Variants in CASP10 observed in about 807,000 individuals in gnomAD.
CASP10 encodes the protein caspase-10.
A neutral mutation model predicts 48.5 loss-of-function variants in CASP10; 41 were observed. That is an observed-to-expected ratio of 0.85 (90% CI 0.66 to 1.10). The LOEUF (loss-of-function observed/expected upper bound fraction) is 1.10. Among genes scored for constraint, CASP10 ranks in the 50% least tolerant of loss-of-function variants. CASP10 has a pLI of 0.00. For missense variants in CASP10, 614 were observed against 614.5 expected, an observed-to-expected ratio of 1.00 and a Z score of 0.01; for synonymous variants, 232 against 238.4, an observed-to-expected ratio of 0.97 and a Z score of 0.25.
At chr2:201,207,782 G>A (rs1172002144) in intron 7 of CASP10, among the ~76,000 whole-genome samples, 1 of 151,546 alleles carries the variant, frequency 6.6e-6, no homozygotes. Flanking sequence ...TTATCTGGGG[G>A]TGTTGGTGGG....
intron 9 of CASP10, among the ~76,000 whole-genome samples, chr2:201,215,211 G>GTTTTTTTTT (rs10616229): frequency 3.7e-4 from 11 of 29,910 alleles, no homozygotes; most frequent in African/African-American, 1.0e-3. Context: ...TCTTCCCTCG[G>GTTTTTTTTT]TTTTTTTTTT....
chr2:201,212,544 T>A (rs1057423073), intron 9 of CASP10: 1 of 152,298 alleles, frequency 6.6e-6, no homozygotes. Context: ...ATAGCTAAAA[T>A]AAAGCCAATG....
At chr2:201,215,863 A>T (rs1945553674) in intron 9 of CASP10, among the ~76,000 whole-genome samples, 1 of 151,706 alleles carries the variant, frequency 6.6e-6, no homozygotes, top group Non-Finnish European at 1.5e-5. Context: ...TCCAGGCTAG[A>T]CTTGAACTCC....
intron 5 of CASP10, among the ~76,000 whole-genome samples, chr2:201,202,194 G>A (rs1466727789): frequency 1.3e-5 from 2 of 152,116 alleles, no homozygotes; most frequent in Admixed American, 1.3e-4. Context: ...CTTAAGGAGA[G>A]GCATGTCTCT....
Position 201,219,344 on chromosome 2 carries a change from C to A in CASP10, c.*1603C>A. On this transcript the variant is annotated 3_prime_UTR_variant, in exon 10 of 10. Transcript: ENST00000286186. ...AACACCCAATTCAAATTGACTGAAG[C>A]AAAGAAGGGAATTTATTGCCTCTTT... The A allele has an allele frequency of 3.0e-6, 2 of 657,020 alleles. No individual in the cohort carries two copies. The highest frequency in any genetic ancestry group is 3.8e-6 in the Non-Finnish European group (2 of 530,362). The allele number at this position is 657,020 out of a possible 1,614,324, so 40.7% of individuals were successfully genotyped here. A position where few individuals can be genotyped will look rare whatever the true frequency, so the allele number is the denominator to read the frequency against.
chr2:201,225,747 G>A (rs1006577544), downstream of CASP10, among the ~76,000 whole-genome samples: 19 of 152,176 alleles, frequency 1.2e-4, no homozygotes, highest in African/African-American at 4.3e-4. Flanking sequence ...CGAGGCAGGC[G>A]GATCACCTGA....
chr2:201,184,336 G>A (rs548433134), intron 1 of CASP10, among the ~76,000 whole-genome samples: 1 of 151,756 alleles, frequency 6.6e-6, no homozygotes, highest in African/African-American at 2.4e-5. Context: ...GTTTTGTTTT[G>A]TTTTTGAGGC....
At chr2:201,198,890 T>C (rs1293556851) in intron 5 of CASP10, among the ~76,000 whole-genome samples, 1 of 152,210 alleles carries the variant, frequency 6.6e-6, no homozygotes, top group Non-Finnish European at 1.5e-5. Flanking sequence ...ATTGTCATGG[T>C]CTGATATTTT....
At position 201,218,113 on chromosome 2, in the gene CASP10, G is replaced by A; in HGVS notation, c.*372G>A. 1.3e-6 allele frequency: 1 copy of A among 754,862 alleles called. No individual in the cohort carries two copies. The highest frequency in any genetic ancestry group is 1.7e-6 in the Non-Finnish European group (1 of 575,254). 46.8% of individuals were successfully genotyped at this position (754,862 alleles called of 1,614,324 possible). ...TCTTTATTTTTTGTAGAGATGGAGG[G>A]ATCTCACTTTGTTGCACAGGCTGGT... On this transcript the variant is annotated 3_prime_UTR_variant, in exon 10 of 10. Transcript: ENST00000286186.
At chr2:201,185,628 G>A (rs1192153043) in intron 1 of CASP10, 143 bp from the exon 2 acceptor site, 10 of 663,636 alleles carry the variant, frequency 1.5e-5, no homozygotes, top group South Asian at 3.5e-5. Context: ...AAGTAGCCTC[G>A]CCGTAATTTT....
downstream of CASP10, among the ~76,000 whole-genome samples, chr2:201,225,243 T>C (rs1193795755): frequency 6.6e-6 from 1 of 152,210 alleles, no homozygotes; most frequent in Non-Finnish European, 1.5e-5. Context: ...CCATGTGTCT[T>C]TGTTAAAGTC....
At chr2:201,189,266 A>T in intron 3 of CASP10, among the ~76,000 whole-genome samples, 1 of 117,408 alleles carries the variant, frequency 8.5e-6, no homozygotes. Flanking sequence ...CTTTTCTTTC[A>T]GTTATTTTTT....
chr2:201,194,087 T>TTGTATG (rs1251211087), intron 4 of CASP10, among the ~76,000 whole-genome samples: 6 of 148,364 alleles, frequency 4.0e-5, no homozygotes, highest in African/African-American at 1.2e-4. Flanking sequence ...CTTTATTTTC[T>TTGTATG]TGTGTGTGTG....
intron 7 of CASP10, 61 bp downstream of exon 7, chr2:201,206,034 A>G (rs1945193368): frequency 4.7e-6 from 5 of 1,059,818 alleles, no homozygotes; most frequent in South Asian, 1.4e-5. Context: ...AATTTAATCA[A>G]AAGGACGGTT....
chr2:201,194,936 G>A (rs1329743456), intron 4 of CASP10, among the ~76,000 whole-genome samples: 1 of 151,868 alleles, frequency 6.6e-6, no homozygotes, highest in African/African-American at 2.4e-5. Context: ...CTGCCACCAC[G>A]CTCAGCTAAT....
Position 201,185,931 on chromosome 2 carries a change from C to T in CASP10, c.154C>T (p.Leu52=), listed in dbSNP as rs1944400088. The T allele has an allele frequency of 6.2e-7, 1 of 1,614,192 alleles. No homozygotes were observed. ...LCIGLVPNKK[L]EKSSSASDVF... ...CATAGGATTGGTCCCCAACAAGAAG[C>T]TGGAGAAGTCCAGCTCAGCCTCAGA... Residue 52 remains leucine, a synonymous_variant, in exon 2 of 10, where the codon CTG becomes TTG. Coordinates refer to ENST00000286186, the MANE Select transcript of CASP10 (RefSeq NM_032977.4).
At position 201,203,761 on chromosome 2, in the gene CASP10, G is replaced by C. The variant is rs753750651; in HGVS notation, c.716G>C (p.Ser239Thr). 6.2e-7 allele frequency: 1 copy of C among 1,612,944 alleles called. No homozygotes were observed. Among genetic ancestry groups the C allele is most frequent in the Admixed American group, 1.7e-5 (1 of 60,020 alleles). Residue 239 changes from serine (S) to threonine (T), a missense_variant, in exon 6 of 10, where the codon AGT (serine) becomes ACT (threonine). Coordinates refer to ENST00000286186, the MANE Select transcript of CASP10 (RefSeq NM_032977.4). ...QESWQNKHAG[S>T]NGNRATNGAP... ...TCCTGGCAAAATAAGCATGCAGGTA[G>C]TAATGGTAGGTATTTCTAATGTACT...
chr2:201,229,048 C>T lies in CASP10; in HGVS notation c.1531C>T (p.Arg511Ter), dbSNP rs777888479. ...CACGGCCATCTCTGCGCAGACACCT[C>T]GACCCCCCATGCGCAGGTGGAGCAG... is the stretch of plus-strand genomic sequence containing the variant. The change falls in exon 10 of 10, where the codon CGA becomes TGA. Residue 511 changes from arginine (R) to a stop codon, truncating the protein, a stop_gained. Transcript: ENST00000272879. LOFTEE classifies it low-confidence loss of function (END_TRUNC). The T allele has an allele frequency of 3.1e-6, 5 of 1,614,208 alleles. No individual in the cohort carries two copies. The highest frequency in any genetic ancestry group is 2.2e-5 in the East Asian group (1 of 44,890).
At position 201,221,402 on chromosome 2, in the gene CASP10, G is replaced by A. The variant is rs1427151086; in HGVS notation, c.*3661G>A. On this transcript the variant is annotated 3_prime_UTR_variant, in exon 10 of 10. Transcript: ENST00000286186. ...GTAACTGAAGAATCACAAAAGAAGT[G>A]AAAATGGCCTGTTCCTGCCTTAACT... 4.6e-5 allele frequency: 21 copies of A among 460,522 alleles called. No individual in the cohort carries two copies. The highest frequency in any genetic ancestry group is 5.4e-5 in the Non-Finnish European group (19 of 350,516). 28.5% of individuals were successfully genotyped at this position (460,522 alleles called of 1,614,324 possible). A position where few individuals can be genotyped will look rare whatever the true frequency, so the allele number is the denominator to read the frequency against.
Sources: allele counts gnomAD v4.1 joint callset (sites outside exome capture counted in the v4.1 genomes callset), GRCh38; gene constraint gnomAD v4.1.1; transcripts MANE v1.5; gene names NCBI Gene and HGNC (gene_info 2026-07-23, HGNC 2026-07-21).